The following NLRP13 variants were observed in gnomAD, a reference collection of about 807,000 sequenced individuals.
NLRP13 encodes the protein NLR family pyrin domain containing 13, also known as NACHT, LRR and PYD domains-containing protein 13.
Under a neutral mutation model 94.4 loss-of-function variants are expected in NLRP13, and 82 were observed. The observed-to-expected ratio is 0.87, with a 90% confidence interval of 0.73 to 1.04. The LOEUF (loss-of-function observed/expected upper bound fraction) is 1.04. NLRP13 is among the 50% of genes least tolerant of loss of function. The probability of loss-of-function intolerance (pLI) is 0.00; values close to 1 mark genes in which losing one functional copy is unlikely to be tolerated. For missense variants in NLRP13, 1,426 were observed against 1,230.8 expected (o/e 1.16, Z -2.37); for synonymous variants, 553 against 464.7 (o/e 1.19, Z -2.45).
At chr19:55,904,915 C>A in intron 8 of NLRP13, 27 bp downstream of exon 8, 1 of 1,600,720 alleles carries the variant, frequency 6.2e-7, no homozygotes, top group South Asian at 1.1e-5. Context: ...AGAGTCATAT[C>A]TAGAAATGGA....
At chr19:55,894,326 G>T (rs1368551661), downstream of NLRP13, among the ~76,000 whole-genome samples, 2 of 152,148 alleles carry the variant, frequency 1.3e-5, no homozygotes, top group South Asian at 2.1e-4. Flanking sequence ...ATAGGCATGA[G>T]CAACTGCAGC....
rs1205386761 is a variant in NLRP13, at chr19:55,899,954, T to A, written c.2790-1017A>T. Among the ~76,000 whole-genome samples, 23 of 1,582 alleles carry A rather than the reference T, an allele frequency of 0.015. 1 individual carries two copies. The African/African-American group carries it at 0.38, about 26-fold the overall frequency. 1.0% of individuals were successfully genotyped at this position (1,582 alleles called of 152,430 possible). On this transcript the variant is annotated intron_variant, in intron 9 of 10. Coordinates refer to ENST00000342929, the MANE Select transcript of NLRP13 (RefSeq NM_176810.2). Reference sequence around the variant, plus strand: ...AATCTCAGCAGGAATATAATTGTTGTTTTTTTTTTTTTTTGAGATCTATTC... The same window carrying A: ...AATCTCAGCAGGAATATAATTGTTGATTTTTTTTTTTTTTGAGATCTATTC...
At chr19:55,923,477 T>C (rs924533459) in intron 4 of NLRP13, among the ~76,000 whole-genome samples, 42 of 152,332 alleles carry the variant, frequency 2.8e-4, no homozygotes, top group African/African-American at 1.0e-3. Flanking sequence ...ACCTGGCCTT[T>C]CATCACCCAC....
rs1338071833 is a variant in NLRP13, at chr19:55,930,901, A to ATATATATTTTT, written c.319+1091_319+1092insAAAAATATATA. Among the ~76,000 whole-genome samples, 622 of 98,268 alleles carry ATATATATTTTT rather than the reference A, an allele frequency of 6.3e-3. 4 individuals carry two copies. Among genetic ancestry groups the ATATATATTTTT allele is most frequent in the South Asian group, 0.015 (49 of 3,200 alleles). 64.5% of individuals were successfully genotyped at this position (98,268 alleles called of 152,430 possible). ...ATATATATATATATATATATATAAA[A>ATATATATTTTT]TTTTAACCAGAAGCTTAAACAGCAT... On this transcript the variant is annotated intron_variant, in intron 1 of 10. Transcript: ENST00000342929.
rs376855230 is a variant in NLRP13 at position 55,909,202 on chromosome 19, A to G, written c.2283-1246T>C. On this transcript the variant is annotated intron_variant, in intron 6 of 10. Transcript: ENST00000342929. ...TCCTCTATAGTTCCCCCCCGGCTTAATTGTTATACAAGGTCCACCTCCATT... is the reference window on the plus strand; with the variant it reads ...TCCTCTATAGTTCCCCCCCGGCTTAGTTGTTATACAAGGTCCACCTCCATT... 2.2e-4 allele frequency among the ~76,000 whole-genome samples: 34 copies of G among 152,274 alleles called. 1 individual carries two copies. Among genetic ancestry groups the G allele is most frequent in the African/African-American group, 7.5e-4 (31 of 41,564 alleles).
downstream of NLRP13, chr19:55,892,232 G>A (rs1441660420): frequency 4.2e-6 from 3 of 717,344 alleles, no homozygotes; most frequent in Non-Finnish European, 5.8e-6. Flanking sequence ...GGTCTACTGT[G>A]TGGCATGAAG....
intron 4 of NLRP13, among the ~76,000 whole-genome samples, chr19:55,913,790 G>A (rs1007571800): frequency 7.2e-5 from 11 of 151,866 alleles, no homozygotes; most frequent in Admixed American, 2.6e-4. Context: ...CAAGGTGAAT[G>A]CCCACCCAGA....
chr19:55,907,781 C>G lies in NLRP13; in HGVS notation c.2447+11G>C, dbSNP rs1380931017. ...ACCCCCCTTGACAGATCTAGGGAGC[C>G]AAAGACTTACCACAGATACTTGAGG... On this transcript the variant is annotated intron_variant, in intron 7 of 10. Transcript: ENST00000342929. 9.3e-6 allele frequency: 15 copies of G among 1,613,496 alleles called. No homozygotes were observed. The highest frequency in any genetic ancestry group is 1.7e-5 in the Admixed American group (1 of 59,936).
Position 55,924,974 on chromosome 19 carries a change from T to C in NLRP13, c.381A>G (p.Ala127=), listed in dbSNP as rs373803355. 3 of 1,613,966 alleles carry C rather than the reference T, an allele frequency of 1.9e-6. No homozygotes were observed. The African/African-American group carries it at 4.0e-5, about 22-fold the overall frequency. The change falls in exon 2 of 11, where the codon GCA becomes GCG. Residue 127 remains alanine (A), a synonymous_variant. Transcript: ENST00000342929. ...TTAAAGTAGTGTACACACCTGCTGC[T>C]GCTTCTAGCATCTCTAGATCTTCCT... is the stretch of plus-strand genomic sequence containing the variant. ...PTQEDLEMLE[A]AAGNMQTQGC...
At position 55,932,050 on chromosome 19, in the gene NLRP13, T is replaced by C. The variant is rs1056611803; in HGVS notation, c.262A>G (p.Ile88Val). ...KGQAWKVVLGIFQTMNLTSLC... is the reference protein window; with the variant it reads ...KGQAWKVVLGVFQTMNLTSLC... ...GAGGTCAGATTCATTGTCTGGAAGA[T>C]GCCGAGGACCACTTTCCATGCCTGA... The change falls in exon 1 of 11, where the codon ATC (isoleucine) becomes GTC (valine). Residue 88 changes from isoleucine to valine, a missense_variant. Physicochemically the swap from Ile to Val is conservative, Grantham distance 29. Transcript: ENST00000342929. 4 of 1,614,002 alleles carry C rather than the reference T, an allele frequency of 2.5e-6. No homozygotes were observed. Among genetic ancestry groups the C allele is most frequent in the East Asian group, 4.5e-5 (2 of 44,860 alleles).
chr19:55,927,055 G>A (rs1986982634), intron 1 of NLRP13, among the ~76,000 whole-genome samples: 1 of 151,812 alleles, frequency 6.6e-6, no homozygotes. Flanking sequence ...CAACCCAAAA[G>A]AGAGAATAGA....
chr19:55,894,372 C>T (rs144038717), downstream of NLRP13, among the ~76,000 whole-genome samples: 18 of 152,164 alleles, frequency 1.2e-4, no homozygotes, highest in Non-Finnish European at 2.4e-4. Context: ...TCTCAGAATA[C>T]TGAATGGGGT....
At chr19:55,905,444 TATATATATAC>T (rs1368481385) in intron 7 of NLRP13, among the ~76,000 whole-genome samples, 1 of 150,292 alleles carries the variant, frequency 6.7e-6, no homozygotes, top group Admixed American at 6.7e-5. Flanking sequence ...CATATATATG[TATATATATAC>T]ATATATACAC....
downstream of NLRP13, among the ~76,000 whole-genome samples, chr19:55,892,444 C>G (rs151161302): frequency 2.0e-5 from 3 of 152,130 alleles, no homozygotes; most frequent in South Asian, 6.2e-4. Context: ...TTGTTTGAGA[C>G]GCAGTGTCAC....
At chr19:55,914,271 T>G (rs1358720520) in intron 4 of NLRP13, among the ~76,000 whole-genome samples, 1 of 152,206 alleles carries the variant, frequency 6.6e-6, no homozygotes, top group Non-Finnish European at 1.5e-5. Flanking sequence ...CTACTACGTA[T>G]GCTGAGACAG....
At chr19:55,922,896 C>T (rs193233315) in intron 4 of NLRP13, among the ~76,000 whole-genome samples, 2 of 152,280 alleles carry the variant, frequency 1.3e-5, no homozygotes, top group Non-Finnish European at 1.5e-5. Flanking sequence ...ACCATAGAAA[C>T]AAATATCAGA....
chr19:55,925,379 T>TA (rs1490047618), intron 1 of NLRP13, among the ~76,000 whole-genome samples: 2 of 152,218 alleles, frequency 1.3e-5, no homozygotes, highest in African/African-American at 4.8e-5. Context: ...CCTATATCTT[T>TA]AATAACATAC....
Position 55,907,809 on chromosome 19 carries a change from G to T in NLRP13, c.2430C>A (p.Cys810Ter), listed in dbSNP as rs907101620. The change falls in exon 7 of 11, where the codon TGC (cysteine) becomes TGA (stop). Residue 810 changes from cysteine to a stop codon, truncating the protein, a stop_gained. Transcript: ENST00000342929. LOFTEE classifies it high-confidence loss of function. ...LILKALRHSACNLKYLCLEKC... is the reference protein window; with the variant it reads ...LILKALRHSA ...AGACTTACCACAGATACTTGAGGTTGCAAGCTGAGTGTCTCAAAGCTTTAA... is the reference window on the plus strand; with the variant it reads ...AGACTTACCACAGATACTTGAGGTTTCAAGCTGAGTGTCTCAAAGCTTTAA... 4 of 1,613,738 alleles carry T rather than the reference G, an allele frequency of 2.5e-6. No individual in the cohort carries two copies. The highest frequency in any genetic ancestry group is 2.7e-5 in the African/African-American group (2 of 74,904).
intron 4 of NLRP13, among the ~76,000 whole-genome samples, chr19:55,918,555 G>A (rs1281324791): frequency 6.6e-6 from 1 of 151,884 alleles, no homozygotes; most frequent in Non-Finnish European, 1.5e-5. Flanking sequence ...TTACAACTGA[G>A]CCAACAGAAA....
Sources: gnomAD v4.1 joint callset for allele counts (sites outside exome capture counted in the v4.1 genomes callset) on GRCh38, gnomAD v4.1.1 for gene constraint, MANE v1.5 for transcripts, NCBI Gene and HGNC (gene_info 2026-07-23, HGNC 2026-07-21) for gene names.